Variants in PTPRN2 observed in about 807,000 individuals in gnomAD.
The protein encoded by PTPRN2 is protein tyrosine phosphatase receptor type N2, also known as receptor-type tyrosine-protein phosphatase N2.
A neutral mutation model predicts 118.8 loss-of-function variants in PTPRN2; 74 were observed. That is an observed-to-expected ratio of 0.62 (90% CI 0.52 to 0.76). The LOEUF (loss-of-function observed/expected upper bound fraction) is 0.76, where lower values mean the gene tolerates loss of function less well. Among genes scored for constraint, PTPRN2 ranks in the 30% least tolerant of loss-of-function variants. The pLI is 0.00. For synonymous variants in PTPRN2, 641 were observed against 608.0 expected (o/e 1.05, Z -0.80); for missense variants, 1,481 against 1,394.4 (o/e 1.06, Z -0.99).
At chr7:158,425,549 G>T (rs1261166245) in intron 2 of PTPRN2, among the ~76,000 whole-genome samples, 1 of 121,450 alleles carries the variant, frequency 8.2e-6, no homozygotes, top group Non-Finnish European at 1.7e-5. Flanking sequence ...CCTGCGCACC[G>T]CCGGGAAAGA....
At chr7:157,850,544 C>T (rs1348958614) in intron 12 of PTPRN2, among the ~76,000 whole-genome samples, 1 of 152,238 alleles carries the variant, frequency 6.6e-6, no homozygotes, top group Non-Finnish European at 1.5e-5. Context: ...ACAGACAGTC[C>T]TGCACCATCT....
At chr7:157,683,084 G>A (rs1365979378) in intron 12 of PTPRN2, 147 bp from the exon 13 acceptor site, 12 of 676,404 alleles carry the variant, frequency 1.8e-5, no homozygotes, top group Non-Finnish European at 2.5e-5. Context: ...AGGGCCCTGC[G>A]GAACAACCCC....
chr7:157,614,121 G>A (rs773058494), intron 15 of PTPRN2: 1 of 470,676 alleles, frequency 2.1e-6, no homozygotes, highest in Non-Finnish European at 4.4e-6. Flanking sequence ...GGAAAAAGGA[G>A]GACGGAGAGG....
Position 157,667,791 on chromosome 7 carries a change from C to T in PTPRN2, c.2002-11240G>A, listed in dbSNP as rs117493864. ...TCAGGAACGGTAAACCCAGCGCGTC[C>T]GCACCCAGGCGCAGAAACTCTCCAT... On this transcript the variant is annotated intron_variant, in intron 13 of 22. Transcript: ENST00000389418. 9.0e-3 allele frequency among the ~76,000 whole-genome samples: 1,372 copies of T among 152,366 alleles called. 13 individuals are homozygous for T. Among genetic ancestry groups the T allele is most frequent in the Non-Finnish European group, 0.014 (985 of 68,034 alleles).
intron 11 of PTPRN2, among the ~76,000 whole-genome samples, chr7:158,037,184 G>A (rs914473519): frequency 1.3e-5 from 2 of 152,144 alleles, no homozygotes; most frequent in Non-Finnish European, 2.9e-5. Flanking sequence ...AATATTTTAA[G>A]AACTTTACAT....
chr7:158,101,809 C>T (rs1199449651), intron 10 of PTPRN2, among the ~76,000 whole-genome samples: 4 of 152,212 alleles, frequency 2.6e-5, no homozygotes, highest in Non-Finnish European at 4.4e-5. Flanking sequence ...CCACCCTGAC[C>T]GTCCAGCTGT....
At chr7:157,860,119 C>A (rs1810117830) in intron 12 of PTPRN2, among the ~76,000 whole-genome samples, 1 of 152,248 alleles carries the variant, frequency 6.6e-6, no homozygotes, top group Non-Finnish European at 1.5e-5. Flanking sequence ...GTGGGGACAG[C>A]CTGCTATGGA....
rs1272504571 is a variant in PTPRN2 at position 158,509,440 on chromosome 7, A to T, written c.113-19655T>A. On this transcript the variant is annotated intron_variant, in intron 1 of 22. Transcript: ENST00000389418. This position sits in a 1 kb window ranked among gnomAD's most constrained non-coding sequence, Gnocchi z 4.4. ...GCCATGCACCCACCCTGCAGGAAAG[A>T]GCTCAGCATCCTGGCATCAAGTCTG... Among the ~76,000 whole-genome samples, 1 of 152,206 alleles carries T rather than the reference A, an allele frequency of 6.6e-6. No homozygotes were observed. Among genetic ancestry groups the T allele is most frequent in the African/African-American group, 2.4e-5 (1 of 41,448 alleles).
intron 12 of PTPRN2, among the ~76,000 whole-genome samples, chr7:157,891,720 G>C (rs981258142): frequency 1.3e-5 from 2 of 152,162 alleles, no homozygotes; most frequent in African/African-American, 4.8e-5. Flanking sequence ...GAAGCCCAGT[G>C]AGCAGCAGGC....
chr7:158,451,532 A>G (rs1727503971), intron 2 of PTPRN2, among the ~76,000 whole-genome samples: 1 of 152,208 alleles, frequency 6.6e-6, no homozygotes, highest in South Asian at 2.1e-4. Context: ...AATTCGGTCC[A>G]GGTTCATCTT....
intron 19 of PTPRN2, chr7:157,574,255 C>A: frequency 2.3e-6 from 1 of 435,170 alleles, no homozygotes; most frequent in Non-Finnish European, 5.1e-6. Context: ...AGCGCACCGT[C>A]ATGCAAAGCA....
chr7:158,279,809 T>C (rs13221661), intron 3 of PTPRN2, among the ~76,000 whole-genome samples: 36,416 of 151,940 alleles, frequency 0.24, 4,521 homozygotes, highest in African/African-American at 0.29. Context: ...TGAGGGGCTC[T>C]TCGAGCCCGG....
At chr7:157,670,558 C>T (rs1310720942) in intron 13 of PTPRN2, among the ~76,000 whole-genome samples, 2 of 152,190 alleles carry the variant, frequency 1.3e-5, no homozygotes, top group South Asian at 2.1e-4. Flanking sequence ...GCACCTTTAA[C>T]CCACGATGCC....
intron 1 of PTPRN2, among the ~76,000 whole-genome samples, chr7:158,545,594 C>G (rs963894466): frequency 1.3e-5 from 2 of 152,174 alleles, no homozygotes; most frequent in African/African-American, 4.8e-5. Flanking sequence ...TGATGAGGAG[C>G]TGAGGGCCAC....
At chr7:158,036,823 C>T (rs1808119268) in intron 11 of PTPRN2, among the ~76,000 whole-genome samples, 1 of 152,088 alleles carries the variant, frequency 6.6e-6, no homozygotes, top group African/African-American at 2.4e-5. Context: ...ATGTCAAAGA[C>T]ATTTTCTTAA....
chr7:158,387,402 G>A (rs1026799068), intron 2 of PTPRN2, among the ~76,000 whole-genome samples: 8 of 120,626 alleles, frequency 6.6e-5, no homozygotes, highest in South Asian at 5.8e-4. Context: ...TGGGGTCTCC[G>A]CAGGCTCCAG....
At chr7:158,159,949 C>T (rs1177716787) in intron 6 of PTPRN2, among the ~76,000 whole-genome samples, 1 of 152,094 alleles carries the variant, frequency 6.6e-6, no homozygotes, top group Non-Finnish European at 1.5e-5. Flanking sequence ...CCCCAAATAT[C>T]TGAATATCAA....
At chr7:158,251,511 G>A (rs911872840) in intron 3 of PTPRN2, among the ~76,000 whole-genome samples, 2 of 150,508 alleles carry the variant, frequency 1.3e-5, no homozygotes, top group African/African-American at 4.9e-5. Flanking sequence ...GGTGTGCAAT[G>A]GATGTATATG....
rs552593320 is a variant in PTPRN2, at chr7:157,622,574, G to A, written c.2197-1065C>T. The stretch of plus-strand genomic sequence containing the variant: ...GGCGGGAATCTCAGGTCATCGTGCC[G>A]TCTAGTGGAAGTTTTGACCACAGCC... On this transcript the variant is annotated intron_variant, in intron 14 of 22. Coordinates refer to ENST00000389418, the MANE Select transcript of PTPRN2 (RefSeq NM_002847.5). This position sits in a 1 kb window ranked among gnomAD's most constrained non-coding sequence, Gnocchi z 5.3. Among the ~76,000 whole-genome samples, 118 of 152,274 alleles carry A rather than the reference G, an allele frequency of 7.7e-4. No individual in the cohort carries two copies. The highest frequency in any genetic ancestry group is 2.7e-3 in the African/African-American group (112 of 41,568).
Sources: gnomAD v4.1 joint callset for allele counts (sites outside exome capture counted in the v4.1 genomes callset) on GRCh38, gnomAD v4.1.1 for gene constraint, Gnocchi (gnomAD v3.1) non-coding constraint, MANE v1.5 for transcripts, NCBI Gene and HGNC (gene_info 2026-07-23, HGNC 2026-07-21) for gene names.